Variants in SRD5A2 observed in about 807,000 individuals in gnomAD.
SRD5A2 encodes steroid 5 alpha-reductase 2, also known as 3-oxo-5-alpha-steroid 4-dehydrogenase 2.
SRD5A2 carries 30 observed loss-of-function variants against 27.4 expected under a neutral mutation model. That is an observed-to-expected ratio of 1.10 (90% confidence interval 0.82 to 1.49). The LOEUF (loss-of-function observed/expected upper bound fraction) is 1.49, where lower values mean the gene tolerates loss of function less well. Ranked by LOEUF, SRD5A2 falls within the 40% of genes most tolerant of loss-of-function variation. The pLI, the probability that SRD5A2 is intolerant of heterozygous loss-of-function variation, is 0.00. For synonymous variants in SRD5A2, 141 were observed against 133.6 expected, an observed-to-expected ratio of 1.06 and a Z score of -0.38; for missense variants, 348 against 323.4, an observed-to-expected ratio of 1.08 and a Z score of -0.58.
At chr2:31,603,019 G>A in the SRD5A2 span, among the ~76,000 whole-genome samples, 1 of 151,942 alleles carries the variant, frequency 6.6e-6, no homozygotes, top group African/African-American at 2.4e-5. Flanking sequence ...AACATTTCAT[G>A]GTGAAGATGT....
intron 1 of SRD5A2, among the ~76,000 whole-genome samples, chr2:31,540,671 A>G (rs1267207365): frequency 6.6e-6 from 1 of 152,212 alleles, no homozygotes; most frequent in Non-Finnish European, 1.5e-5. Context: ...AAGGCTTGCA[A>G]CTTTCAGGGA....
chr2:31,658,943 A>G, the SRD5A2 span, among the ~76,000 whole-genome samples: 1 of 152,096 alleles, frequency 6.6e-6, no homozygotes. Flanking sequence ...ATATCCCAAC[A>G]TAGATGCAAA....
At chr2:31,537,828 A>G (rs1666056677) in intron 1 of SRD5A2, among the ~76,000 whole-genome samples, 1 of 152,086 alleles carries the variant, frequency 6.6e-6, no homozygotes, top group Non-Finnish European at 1.5e-5. Context: ...ACATGAATGG[A>G]TTAATGCTGC....
the SRD5A2 span, among the ~76,000 whole-genome samples, chr2:31,598,689 A>T: frequency 6.6e-6 from 1 of 152,148 alleles, no homozygotes; most frequent in East Asian, 1.9e-4. Flanking sequence ...AAATAAAAAA[A>T]CAAGAAACTA....
the SRD5A2 span, among the ~76,000 whole-genome samples, chr2:31,594,658 A>G: frequency 2.0e-5 from 3 of 152,194 alleles, no homozygotes; most frequent in Non-Finnish European, 4.4e-5. Flanking sequence ...ATCAAGACAG[A>G]AAGTCAACAA....
chr2:31,593,937 C>T, the SRD5A2 span, among the ~76,000 whole-genome samples: 2 of 152,156 alleles, frequency 1.3e-5, no homozygotes, highest in Non-Finnish European at 2.9e-5. Context: ...TTTGATTCCA[C>T]TGAAACTAAT....
intron 1 of SRD5A2, among the ~76,000 whole-genome samples, chr2:31,579,958 G>A (rs138720220): frequency 2.6e-4 from 40 of 152,322 alleles, no homozygotes; most frequent in African/African-American, 9.4e-4. Flanking sequence ...AGATGAATTG[G>A]TGGTGTGCTT....
the SRD5A2 span, among the ~76,000 whole-genome samples, chr2:31,659,927 T>C: frequency 6.6e-6 from 1 of 152,156 alleles, no homozygotes; most frequent in Non-Finnish European, 1.5e-5. Flanking sequence ...AAATTCATTT[T>C]TCCCTTTATG....
In SRD5A2 at chr2:31,523,854, T is replaced by C. The variant is rs957545127; in HGVS notation, c.*2342A>G. On this transcript the variant is annotated 3_prime_UTR_variant, in exon 5 of 5. Coordinates refer to ENST00000622030, the MANE Select transcript of SRD5A2 (RefSeq NM_000348.4). ...AGCCCTAAACAATGACAAACTGTCA[T>C]TGAACACAACAGCCCTAGAACACTG... 9.1e-6 allele frequency: 2 copies of C among 219,430 alleles called. No individual in the cohort carries two copies. Among genetic ancestry groups the C allele is most frequent in the African/African-American group, 4.5e-5 (2 of 44,630 alleles). 13.6% of individuals were successfully genotyped at this position (219,430 alleles called of 1,614,324 possible).
chr2:31,582,757 C>T (rs1423790798), upstream of SRD5A2, among the ~76,000 whole-genome samples: 2 of 152,314 alleles, frequency 1.3e-5, no homozygotes, highest in Admixed American at 6.5e-5. Flanking sequence ...CCTCCACCCA[C>T]TTGGACCCAA....
At chr2:31,625,967 A>G in the SRD5A2 span, among the ~76,000 whole-genome samples, 2 of 152,054 alleles carry the variant, frequency 1.3e-5, no homozygotes, top group African/African-American at 4.8e-5. Flanking sequence ...GGCCATTTTC[A>G]CCATATTGAT....
At chr2:31,632,184 G>GT in the SRD5A2 span, among the ~76,000 whole-genome samples, 51 of 152,178 alleles carry the variant, frequency 3.4e-4, no homozygotes, top group Non-Finnish European at 5.4e-4. Flanking sequence ...GGCAACCTTG[G>GT]TTTTTTATAA....
At chr2:31,531,334 G>T in intron 3 of SRD5A2, 37 bp downstream of exon 3, 1 of 1,451,722 alleles carries the variant, frequency 6.9e-7, no homozygotes, top group South Asian at 1.2e-5. Context: ...ACAGGCTCCA[G>T]GGAAGAGTGA....
At chr2:31,590,951 A>T in the SRD5A2 span, among the ~76,000 whole-genome samples, 1 of 152,236 alleles carries the variant, frequency 6.6e-6, no homozygotes, top group South Asian at 2.1e-4. Flanking sequence ...TGGATTAAAG[A>T]CTTAAATGTT....
At chr2:31,612,064 G>A in the SRD5A2 span, among the ~76,000 whole-genome samples, 4 of 152,032 alleles carry the variant, frequency 2.6e-5, no homozygotes, top group Admixed American at 1.3e-4. Context: ...GATCACTTGA[G>A]GCCAGAAGTT....
chr2:31,625,134 G>A, the SRD5A2 span, among the ~76,000 whole-genome samples: 303 of 152,292 alleles, frequency 2.0e-3, 2 homozygotes, highest in African/African-American at 6.7e-3. Flanking sequence ...TTTTTCATAT[G>A]TCTGTTGGCT....
the SRD5A2 span, among the ~76,000 whole-genome samples, chr2:31,655,940 T>C: frequency 6.6e-6 from 1 of 152,120 alleles, no homozygotes; most frequent in African/African-American, 2.4e-5. Context: ...AGGGGACACA[T>C]CTTAAACAGA....
At chr2:31,649,100 T>A in the SRD5A2 span, among the ~76,000 whole-genome samples, 1 of 152,186 alleles carries the variant, frequency 6.6e-6, no homozygotes, top group Non-Finnish European at 1.5e-5. Flanking sequence ...GTTTCTCCAA[T>A]ATGTTTTCTA....
intron 2 of SRD5A2, 94 bp downstream of exon 2, chr2:31,533,509 C>G: frequency 8.7e-7 from 1 of 1,152,444 alleles, no homozygotes; most frequent in East Asian, 2.6e-5. Context: ...GGGATCATTA[C>G]GAGGTCATTG....
Sources: gnomAD v4.1 joint callset for allele counts (sites outside exome capture counted in the v4.1 genomes callset) on GRCh38, gnomAD v4.1.1 for gene constraint, MANE v1.5 for transcripts, NCBI Gene and HGNC (gene_info 2026-07-23, HGNC 2026-07-21) for gene names.